Variants in ABLIM2 observed in about 807,000 individuals in gnomAD.
ABLIM2 encodes the protein actin-binding LIM protein 2.
Under a neutral mutation model 97.7 loss-of-function variants are expected in ABLIM2, and 53 were observed. The ratio of observed to expected loss-of-function variants is 0.54; its 90% CI spans 0.44 to 0.68. The LOEUF is 0.68. Ranked by LOEUF, ABLIM2 falls within the 30% of genes least tolerant of loss-of-function variation. The pLI, the probability that ABLIM2 is intolerant of heterozygous loss-of-function variation, is 0.00. For missense variants in ABLIM2, 835 were observed against 867.2 expected (o/e 0.96, Z 0.47); for synonymous variants, 361 against 345.8 (o/e 1.04, Z -0.49).
intron 2 of ABLIM2, among the ~76,000 whole-genome samples, chr4:8,101,971 A>G (rs1013211652): frequency 6.6e-6 from 1 of 152,196 alleles, no homozygotes; most frequent in East Asian, 1.9e-4. Flanking sequence ...CCCAGCCGCC[A>G]TTGGCTCCAG....
rs73075960 is a variant in ABLIM2 at position 8,120,144 on chromosome 4, A to T, written c.11-13507T>A. ...TCTCCTCTGGGAGGCAGGAAGAGAA[A>T]AACAGCCCAGCGGCCACGCTGCCCC... is the stretch of plus-strand genomic sequence containing the variant. On this transcript the variant is annotated intron_variant, in intron 1 of 20. Transcript: ENST00000447017. The surrounding 1 kb of genome is among the most constrained non-coding windows in gnomAD (Gnocchi z 5.6). 0.031 allele frequency among the ~76,000 whole-genome samples: 4,651 copies of T among 152,154 alleles called. 251 individuals carry two copies. Among genetic ancestry groups the T allele is most frequent in the African/African-American group, 0.11 (4,387 of 41,516 alleles).
intron 8 of ABLIM2, among the ~76,000 whole-genome samples, chr4:8,049,748 A>G (rs1371993226): frequency 6.6e-6 from 1 of 151,974 alleles, no homozygotes; most frequent in Non-Finnish European, 1.5e-5. Flanking sequence ...ATTTTTTTTG[A>G]GACAGGGTCT....
rs1212841575 is a variant in ABLIM2, at chr4:8,033,581, G to A, written c.1047+2568C>T. Among the ~76,000 whole-genome samples the A allele has an allele frequency of 1.3e-5, 2 of 152,194 alleles. No individual in the cohort carries two copies. The highest frequency in any genetic ancestry group is 2.4e-5 in the African/African-American group (1 of 41,458). The stretch of plus-strand genomic sequence containing the variant: ...GGGGTCGCACTTTATGGCTGAGAGC[G>A]GAAGCTCACACACAGGTGCCACTGT... On this transcript the variant is annotated intron_variant, in intron 10 of 20. Transcript: ENST00000447017. The surrounding 1 kb of genome is among the most constrained non-coding windows in gnomAD (Gnocchi z 4.5).
chr4:8,074,841 C>A lies in ABLIM2; in HGVS notation c.675+2787G>T, dbSNP rs370575820. Among the ~76,000 whole-genome samples the A allele has an allele frequency of 4.9e-5, 7 of 141,860 alleles. No individual in the cohort carries two copies. In the South Asian group the frequency reaches 1.5e-3, roughly 31 times the overall value. The allele number at this position is 141,860 out of a possible 152,430, so 93.1% of individuals were successfully genotyped here. ...TGTAGCCCAGGCTGGAGTGCAGTGG[C>A]GCAGTCTCGGCTCACTGCAACCTCC... On this transcript the variant is annotated intron_variant, in intron 6 of 20. Coordinates refer to ENST00000447017, the MANE Select transcript of ABLIM2 (RefSeq NM_001130083.2).
At position 8,055,036 on chromosome 4, in the gene ABLIM2, G is replaced by C. The variant is rs1309249440; in HGVS notation, c.764-790C>G. 2.7e-5 allele frequency among the ~76,000 whole-genome samples: 4 copies of C among 150,394 alleles called. No individual in the cohort carries two copies. In the East Asian group the frequency reaches 8.2e-4, roughly 31 times the overall value. Reference sequence around the variant, plus strand: ...CTAATTCAACCTCAAACTACCCCAAGTCTTTGTTTTTGTTTTTTTTTTTTC... The same window carrying C: ...CTAATTCAACCTCAAACTACCCCAACTCTTTGTTTTTGTTTTTTTTTTTTC... On this transcript the variant is annotated intron_variant, in intron 7 of 20. Transcript: ENST00000447017.
Position 7,996,476 on chromosome 4 carries a change from C to A in ABLIM2, c.1619-3549G>T, listed in dbSNP as rs1481506826. 6.6e-6 allele frequency among the ~76,000 whole-genome samples: 1 copy of A among 152,196 alleles called. No homozygotes were observed. The highest frequency in any genetic ancestry group is 1.5e-5 in the Non-Finnish European group (1 of 68,034). On this transcript the variant is annotated intron_variant, in intron 16 of 20. Transcript: ENST00000447017. The surrounding 1 kb of genome is among the most constrained non-coding windows in gnomAD (Gnocchi z 4.5). ...CATGCAGGTGGAAACCTTGCTTCCG[C>A]GAAGGCCATTTTATCCTCCCCACTT...
rs1484840745 is a variant in ABLIM2 at position 7,984,942 on chromosome 4, T to G, written c.1681-49A>C. 3 of 1,582,390 alleles carry G rather than the reference T, an allele frequency of 1.9e-6. No individual in the cohort carries two copies. The African/African-American group carries it at 4.0e-5, about 21-fold the overall frequency. ...CGGCAAGAGACAGGCGGCACGAGGGTGTGTGGATGGGCAGGGACCAGGAGA... is the reference window on the plus strand; with the variant it reads ...CGGCAAGAGACAGGCGGCACGAGGGGGTGTGGATGGGCAGGGACCAGGAGA... On this transcript the variant is annotated intron_variant, in intron 17 of 20. Transcript: ENST00000447017.
intron 2 of ABLIM2, among the ~76,000 whole-genome samples, chr4:8,104,536 T>C (rs1482467993): frequency 6.6e-6 from 1 of 152,190 alleles, no homozygotes; most frequent in African/African-American, 2.4e-5. Flanking sequence ...ATGTCCCTGA[T>C]AGTCACCCAC....
At chr4:8,007,338 C>T (rs1762106463) in intron 16 of ABLIM2, 1 of 985,320 alleles carries the variant, frequency 1.0e-6, no homozygotes, top group Admixed American at 6.2e-5. Context: ...TTCTTCTGCT[C>T]TCACACCCCC....
rs1235913823 is a variant in ABLIM2, at chr4:8,148,112, C to G, written c.10+10568G>C. 6.6e-6 allele frequency among the ~76,000 whole-genome samples: 1 copy of G among 152,214 alleles called. No individual in the cohort carries two copies. Among genetic ancestry groups the G allele is most frequent in the Non-Finnish European group, 1.5e-5 (1 of 68,032 alleles). The stretch of plus-strand genomic sequence containing the variant: ...GGGGGAGAAACCCCTCACCAAAGCC[C>G]ACCATGCGCACCTTCCCCGGCAGAG... On this transcript the variant is annotated intron_variant, in intron 1 of 20. Coordinates refer to ENST00000447017, the MANE Select transcript of ABLIM2 (RefSeq NM_001130083.2). The surrounding 1 kb of genome is among the most constrained non-coding windows in gnomAD (Gnocchi z 6.7).
intron 9 of ABLIM2, among the ~76,000 whole-genome samples, chr4:8,041,754 A>G (rs1157598757): frequency 6.6e-6 from 1 of 152,096 alleles, no homozygotes; most frequent in Non-Finnish European, 1.5e-5. Context: ...TACAAAAAAA[A>G]TTAGCCATGC....
chr4:8,040,761 G>A (rs1365315821), intron 9 of ABLIM2, among the ~76,000 whole-genome samples: 1 of 152,240 alleles, frequency 6.6e-6, no homozygotes, highest in Non-Finnish European at 1.5e-5. Context: ...GAGAGAGCAG[G>A]GCTGTTCGGG....
chr4:8,010,716 G>A (rs1031361903), intron 14 of ABLIM2: 11 of 516,448 alleles, frequency 2.1e-5, no homozygotes, highest in Admixed American at 1.3e-4. Context: ...GCAAATCAAC[G>A]CCAAGCCTGC....
chr4:8,121,948 C>T (rs1330170453), intron 1 of ABLIM2, among the ~76,000 whole-genome samples: 1 of 152,218 alleles, frequency 6.6e-6, no homozygotes, highest in Non-Finnish European at 1.5e-5. Flanking sequence ...CGGACCCAGA[C>T]CTGCCCAGAC....
chr4:8,151,539 C>T (rs1286463100), intron 1 of ABLIM2, among the ~76,000 whole-genome samples: 3 of 152,194 alleles, frequency 2.0e-5, no homozygotes, highest in Non-Finnish European at 4.4e-5. Context: ...ACTGCTCACC[C>T]AGCTGGGAGC....
At position 7,996,637 on chromosome 4, in the gene ABLIM2, C is replaced by T. The variant is rs1753515215; in HGVS notation, c.1619-3710G>A. Among the ~76,000 whole-genome samples, 4 of 152,210 alleles carry T rather than the reference C, an allele frequency of 2.6e-5. No homozygotes were observed. The South Asian group carries it at 8.3e-4, about 32-fold the overall frequency. The stretch of plus-strand genomic sequence containing the variant: ...CAAGAAGAGGGCTATTATGTTTTGT[C>T]CCCGGTTTTACCTATTCCGACGTTC... On this transcript the variant is annotated intron_variant, in intron 16 of 20. Coordinates refer to ENST00000447017, the MANE Select transcript of ABLIM2 (RefSeq NM_001130083.2). The surrounding 1 kb of genome is among the most constrained non-coding windows in gnomAD (Gnocchi z 4.5).
intron 8 of ABLIM2, among the ~76,000 whole-genome samples, chr4:8,051,201 C>T (rs529468705): frequency 4.5e-4 from 68 of 152,330 alleles, no homozygotes; most frequent in Non-Finnish European, 8.7e-4. Context: ...GCTGTGGCCG[C>T]GGAGCTCCCT....
chr4:8,110,256 C>G (rs1037320894), intron 1 of ABLIM2, among the ~76,000 whole-genome samples: 2 of 152,240 alleles, frequency 1.3e-5, no homozygotes, highest in East Asian at 3.9e-4. Context: ...ACAAGCGTCT[C>G]TTCATGATCC....
At chr4:8,007,604 T>C (rs1762267277) in intron 16 of ABLIM2, 5 of 989,782 alleles carry the variant, frequency 5.1e-6, no homozygotes, top group Non-Finnish European at 6.0e-6. Flanking sequence ...TGTCTCTCTA[T>C]GAAGCCTGAG....
Sources: allele counts gnomAD v4.1 joint callset (sites outside exome capture counted in the v4.1 genomes callset), GRCh38; gene constraint gnomAD v4.1.1; non-coding constraint Gnocchi (gnomAD v3.1); transcripts MANE v1.5; gene names NCBI Gene and HGNC (gene_info 2026-07-23, HGNC 2026-07-21).